The following FSTL5 variants were observed in gnomAD, a reference collection of about 807,000 sequenced individuals.
FSTL5 encodes follistatin like 5.
Under a neutral mutation model 89.1 loss-of-function variants are expected in FSTL5, and 62 were observed. The observed-to-expected ratio is 0.70, with a 90% CI of 0.57 to 0.86. FSTL5 has a LOEUF of 0.86. Among genes scored for constraint, FSTL5 ranks in the 40% least tolerant of loss-of-function variants. The probability of loss-of-function intolerance (pLI) is 0.00; values close to 1 mark genes in which losing one functional copy is unlikely to be tolerated. For missense variants in FSTL5, 1,057 were observed against 1,001.6 expected (o/e 1.06, Z -0.75); for synonymous variants, 383 against 346.2 (o/e 1.11, Z -1.18).
At chr4:161,543,858 C>G (rs1331846199) in intron 8 of FSTL5, among the ~76,000 whole-genome samples, 1 of 151,928 alleles carries the variant, frequency 6.6e-6, no homozygotes, top group African/African-American at 2.4e-5. Context: ...ATTGTTTCTT[C>G]TAGATATGAC....
chr4:161,983,730 A>G (rs1207485960), intron 3 of FSTL5, among the ~76,000 whole-genome samples: 2 of 152,182 alleles, frequency 1.3e-5, no homozygotes, highest in Non-Finnish European at 2.9e-5. Context: ...ATGTTTTTCA[A>G]TATGTCTCTC....
intron 4 of FSTL5, among the ~76,000 whole-genome samples, chr4:161,835,463 T>G (rs1321230525): frequency 1.6e-4 from 24 of 152,008 alleles, no homozygotes; most frequent in Middle Eastern, 6.9e-3. Flanking sequence ...GGGATCTAAT[T>G]AAACTAAAGA....
In FSTL5 at chr4:161,394,753, A is replaced by G. The variant is rs145496835; in HGVS notation, c.1842-8304T>C. Among the ~76,000 whole-genome samples, 1,443 of 152,298 alleles carry G rather than the reference A, an allele frequency of 9.5e-3. 26 individuals are homozygous for G. Among genetic ancestry groups the G allele is most frequent in the African/African-American group, 0.034 (1,398 of 41,556 alleles). ...AAAATAGGTTGTAATATATGTTTAG[A>G]AATTTATCTGGATTTGCTATTTTTA... On this transcript the variant is annotated intron_variant, in intron 15 of 15. Transcript: ENST00000306100.
chr4:161,595,947 A>G (rs1005742511), intron 7 of FSTL5, among the ~76,000 whole-genome samples: 8 of 152,008 alleles, frequency 5.3e-5, no homozygotes, highest in Non-Finnish European at 8.8e-5. Flanking sequence ...TTTGATATAC[A>G]CTGACATTAA....
At chr4:161,773,329 C>A (rs966272654) in intron 5 of FSTL5, among the ~76,000 whole-genome samples, 4 of 150,254 alleles carry the variant, frequency 2.7e-5, no homozygotes, top group Non-Finnish European at 5.9e-5. Context: ...GCAACAAAAA[C>A]AAAGATAAAT....
At chr4:161,959,102 G>A (rs1735103081) in intron 3 of FSTL5, among the ~76,000 whole-genome samples, 1 of 152,070 alleles carries the variant, frequency 6.6e-6, no homozygotes, top group African/African-American at 2.4e-5. Context: ...GATACCTGAT[G>A]TCTTAACATA....
At chr4:161,640,140 T>A (rs1422473218) in intron 7 of FSTL5, among the ~76,000 whole-genome samples, 1 of 152,280 alleles carries the variant, frequency 6.6e-6, no homozygotes, top group South Asian at 2.1e-4. Flanking sequence ...GCACACAGCC[T>A]ACAACAATAA....
At chr4:161,973,810 T>G (rs1735554074) in intron 3 of FSTL5, among the ~76,000 whole-genome samples, 1 of 151,974 alleles carries the variant, frequency 6.6e-6, no homozygotes, top group Non-Finnish European at 1.5e-5. Context: ...CAAGTCAGAG[T>G]CACTTAAAAG....
chr4:162,105,780 C>T (rs1354245178), intron 2 of FSTL5, among the ~76,000 whole-genome samples: 2 of 152,114 alleles, frequency 1.3e-5, no homozygotes, highest in East Asian at 1.9e-4. Context: ...GACATATTTG[C>T]TCTCAGATGG....
intron 4 of FSTL5, among the ~76,000 whole-genome samples, chr4:161,855,885 T>C (rs1189489040): frequency 2.6e-5 from 4 of 152,100 alleles, no homozygotes; most frequent in African/African-American, 9.7e-5. Flanking sequence ...GAAAAAATGG[T>C]TCAAAGAGGG....
At chr4:161,755,346 G>T (rs1225901049) in intron 6 of FSTL5, among the ~76,000 whole-genome samples, 1 of 151,896 alleles carries the variant, frequency 6.6e-6, no homozygotes, top group African/African-American at 2.4e-5. Context: ...TATGTCTACT[G>T]GAATAACACT....
intron 15 of FSTL5, among the ~76,000 whole-genome samples, chr4:161,398,432 G>T (rs1215539420): frequency 6.6e-6 from 1 of 151,968 alleles, no homozygotes; most frequent in African/African-American, 2.4e-5. Flanking sequence ...GCTCTTTTAT[G>T]TAATTGCTTC....
At chr4:161,513,663 A>G (rs1730726252) in intron 10 of FSTL5, among the ~76,000 whole-genome samples, 1 of 152,200 alleles carries the variant, frequency 6.6e-6, no homozygotes, top group South Asian at 2.1e-4. Context: ...CAGCCATAAA[A>G]AGAACAGGAT....
chr4:162,083,858 T>C (rs760667503), intron 2 of FSTL5, among the ~76,000 whole-genome samples: 2 of 151,878 alleles, frequency 1.3e-5, no homozygotes, highest in Non-Finnish European at 2.9e-5. Context: ...AAAAATTAAA[T>C]TCATTATTAT....
intron 3 of FSTL5, among the ~76,000 whole-genome samples, chr4:162,015,181 C>T (rs897476155): frequency 6.6e-6 from 1 of 152,084 alleles, no homozygotes; most frequent in Non-Finnish European, 1.5e-5. Context: ...GTTACTCTGG[C>T]AAGGGGCTAT....
chr4:161,400,211 C>A (rs1731138762), intron 15 of FSTL5, among the ~76,000 whole-genome samples: 1 of 152,006 alleles, frequency 6.6e-6, no homozygotes, highest in South Asian at 2.1e-4. Flanking sequence ...TTCAGGTCAA[C>A]TGCATTTTGT....
At chr4:161,760,455 C>T (rs1401149347) in intron 5 of FSTL5, among the ~76,000 whole-genome samples, 1 of 152,118 alleles carries the variant, frequency 6.6e-6, no homozygotes, top group African/African-American at 2.4e-5. Context: ...ACAAAGACTT[C>T]AAAATCAGGT....
intron 4 of FSTL5, among the ~76,000 whole-genome samples, chr4:161,881,479 C>T (rs1346512865): frequency 6.6e-6 from 1 of 151,934 alleles, no homozygotes; most frequent in African/African-American, 2.4e-5. Context: ...AATAGGCATA[C>T]AAACAACTAT....
At position 161,775,429 on chromosome 4, in the gene FSTL5, T is replaced by G. The variant is rs1197807242; in HGVS notation, c.606+449A>C. Among the ~76,000 whole-genome samples, 7 of 152,182 alleles carry G rather than the reference T, an allele frequency of 4.6e-5. No homozygotes were observed. The East Asian group carries it at 1.3e-3, about 29-fold the overall frequency. On this transcript the variant is annotated intron_variant, in intron 5 of 15. Transcript: ENST00000306100. ...CTTAATTATTGAAGAAATATTGGAA[T>G]ACATCAGTGATTCAACACTATCTTA...
Sources: allele counts gnomAD v4.1 joint callset (sites outside exome capture counted in the v4.1 genomes callset), GRCh38; gene constraint gnomAD v4.1.1; transcripts MANE v1.5; gene names NCBI Gene and HGNC (gene_info 2026-07-23, HGNC 2026-07-21).